The following NSFL1C variants were observed in gnomAD, a reference collection of about 807,000 sequenced individuals.
NSFL1C encodes NSFL1 cofactor, also known as NSFL1 cofactor p47.
In NSFL1C, 14 loss-of-function variants were observed where a neutral mutation model predicts 43.1. The ratio of observed to expected loss-of-function variants is 0.32; its 90% CI spans 0.21 to 0.51. NSFL1C has a LOEUF of 0.51. NSFL1C is among the 20% of genes least tolerant of loss of function. The probability of loss-of-function intolerance (pLI) is 0.98; values close to 1 mark genes in which losing one functional copy is unlikely to be tolerated. For missense variants in NSFL1C, 406 were observed against 472.5 expected (o/e 0.86, Z 1.30); for synonymous variants, 171 against 183.5 (o/e 0.93, Z 0.55).
intron 1 of NSFL1C, 87 bp downstream of exon 1, chr20:1,466,633 C>T: frequency 2.3e-6 from 3 of 1,286,458 alleles, no homozygotes; most frequent in South Asian, 1.3e-5. Context: ...GATGACTGTG[C>T]GCTTCGGCCG....
At chr20:1,457,219 A>G (rs933644536) in intron 3 of NSFL1C, 1 of 152,230 alleles carries the variant, frequency 6.6e-6, no homozygotes, top group African/African-American at 2.4e-5. Context: ...AAAAAGCTGG[A>G]AAGAAATATA....
intron 3 of NSFL1C, chr20:1,456,228 A>T (rs1484617557): frequency 6.4e-6 from 1 of 155,350 alleles, no homozygotes; most frequent in Non-Finnish European, 1.4e-5. Flanking sequence ...TCAAGGAAGT[A>T]AGCGGAATGT....
At position 1,452,513 on chromosome 20, in the gene NSFL1C, G is replaced by A. The variant is rs1013083019; in HGVS notation, c.765C>T (p.Gly255=). 1.1e-5 allele frequency: 17 copies of A among 1,614,012 alleles called. No individual in the cohort carries two copies. Among genetic ancestry groups the A allele is most frequent in the African/African-American group, 2.7e-5 (2 of 74,920 alleles). ...CTTACCTGCCCAGTTTCTGACCCTCGCCAGTGAAGGCTTTGAAGGCTCCTT... is the reference window on the plus strand; with the variant it reads ...CTTACCTGCCCAGTTTCTGACCCTCACCAGTGAAGGCTTTGAAGGCTCCTT... ...KPKGAFKAFT[G]EGQKLGSTAP... is the part of the protein sequence containing the mutation. Residue 255 remains glycine, a synonymous_variant, in exon 7 of 9, where the codon GGC becomes GGT. Transcript: ENST00000216879.
At chr20:1,464,950 C>T (rs574727939) in intron 1 of NSFL1C, among the ~76,000 whole-genome samples, 1 of 152,276 alleles carries the variant, frequency 6.6e-6, no homozygotes, top group Non-Finnish European at 1.5e-5. Flanking sequence ...CAGTACAGCC[C>T]GGAGTCAGGA....
intron 2 of NSFL1C, among the ~76,000 whole-genome samples, chr20:1,459,395 C>T (rs1215162110): frequency 6.6e-6 from 1 of 152,170 alleles, no homozygotes; most frequent in African/African-American, 2.4e-5. Flanking sequence ...TGTAAGTTTC[C>T]TAAGGCCTTC....
chr20:1,466,727 T>C lies in NSFL1C; in HGVS notation c.98A>G (p.Asp33Gly). The change falls in exon 1 of 9, where the codon GAC becomes GGC. Residue 33 changes from aspartate (D) to glycine (G), a missense_variant. This residue lies in a region of NSFL1C where 203 missense variants were observed against 216.3 expected (regional missense o/e 0.94). Transcript: ENST00000216879. ...CCCGCCGCGCGGCGCTACCTGCAAG[T>C]CCCAGCCGGCCGACTCGAGAAAGAA... ...ARFFLESAGW[D>G]LQIALASFYE... 1 of 1,551,466 alleles carries C rather than the reference T, an allele frequency of 6.4e-7. No homozygotes were observed. The highest frequency in any genetic ancestry group is 8.7e-7 in the Non-Finnish European group (1 of 1,152,232).
At chr20:1,454,710 G>T (rs1171829391) in intron 4 of NSFL1C, among the ~76,000 whole-genome samples, 2 of 152,144 alleles carry the variant, frequency 1.3e-5, no homozygotes, top group Non-Finnish European at 2.9e-5. Context: ...AAAACACTAA[G>T]TCAGTCAAAT....
chr20:1,464,565 G>C, intron 1 of NSFL1C, 139 bp from the exon 2 acceptor site: 1 of 636,582 alleles, frequency 1.6e-6, no homozygotes. Context: ...AATTAGACCA[G>C]AAGGTTAACA....
intron 2 of NSFL1C, 40 bp from the exon 3 acceptor site, chr20:1,458,314 T>C: frequency 1.3e-6 from 2 of 1,553,282 alleles, no homozygotes; most frequent in Middle Eastern, 1.7e-4. Context: ...TCAGGGAGCA[T>C]TAAGAAAGGT....
chr20:1,450,616 T>A (rs2122854170), intron 7 of NSFL1C, among the ~76,000 whole-genome samples: 1 of 152,352 alleles, frequency 6.6e-6, no homozygotes, highest in Admixed American at 6.5e-5. Context: ...AAGTGCATGG[T>A]GTTCTGAAGT....
intron 7 of NSFL1C, among the ~76,000 whole-genome samples, chr20:1,450,492 C>T (rs973283361): frequency 3.9e-5 from 6 of 152,218 alleles, no homozygotes; most frequent in African/African-American, 1.4e-4. Flanking sequence ...TCCTATCATG[C>T]TAAAATAGAC....
At chr20:1,452,401 G>C in intron 7 of NSFL1C, 92 bp downstream of exon 7, 1 of 1,482,978 alleles carries the variant, frequency 6.7e-7, no homozygotes, top group Non-Finnish European at 9.2e-7. Context: ...AAACAGTAAA[G>C]AGCTAATAAC....
At position 1,464,332 on chromosome 20, in the gene NSFL1C, G is replaced by A. The variant is rs1222872165; in HGVS notation, c.200C>T (p.Pro67Leu). The A allele has an allele frequency of 6.2e-7, 1 of 1,613,782 alleles. No homozygotes were observed. The highest frequency in any genetic ancestry group is 1.3e-5 in the African/African-American group (1 of 74,916). Residue 67 changes from proline (P) to leucine (L), a missense_variant, in exon 2 of 9, where the codon CCC becomes CTC. By Grantham distance (98) the Pro-to-Leu change is moderately conservative (BLOSUM62 -3). Coordinates refer to ENST00000216879, the MANE Select transcript of NSFL1C (RefSeq NM_016143.5). The stretch of plus-strand genomic sequence containing the variant: ...GATAATTGAAGCTGGCCCTTACCTG[G>A]GGGCTGTGCCTCTGGACACTGAACT... ...TPSSVSRGTA[P>L]SDNRVTSFRD...
At chr20:1,462,605 T>C (rs921519627) in intron 2 of NSFL1C, among the ~76,000 whole-genome samples, 1 of 151,574 alleles carries the variant, frequency 6.6e-6, no homozygotes, top group East Asian at 1.9e-4. Flanking sequence ...CACTGCAAGC[T>C]CCGCCCCCCG....
At position 1,453,012 on chromosome 20, in the gene NSFL1C, G is replaced by A; in HGVS notation, c.647+19C>T. 7.2e-7 allele frequency: 1 copy of A among 1,385,144 alleles called. No homozygotes were observed. The highest frequency in any genetic ancestry group is 1.0e-6 in the Non-Finnish European group (1 of 970,800). The allele number at this position is 1,385,144 out of a possible 1,614,324, so 85.8% of individuals were successfully genotyped here. On this transcript the variant is annotated intron_variant, in intron 6 of 8. Coordinates refer to ENST00000216879, the MANE Select transcript of NSFL1C (RefSeq NM_016143.5). ...TCCACTCACTGATTTGGGACCTACA[G>A]GAGGGCTTTTTCACTCACCCTCTGC...
chr20:1,455,332 T>C (rs1018964184), intron 3 of NSFL1C, among the ~76,000 whole-genome samples, 200 bp from the exon 4 acceptor site: 5 of 152,150 alleles, frequency 3.3e-5, no homozygotes, highest in African/African-American at 9.7e-5. Flanking sequence ...GAGGGAACAC[T>C]GGGTGGGAAG....
At chr20:1,459,671 T>C (rs562733666) in intron 2 of NSFL1C, among the ~76,000 whole-genome samples, 2 of 152,286 alleles carry the variant, frequency 1.3e-5, no homozygotes, top group East Asian at 3.9e-4. Flanking sequence ...CCAATCAATG[T>C]AGCAAACAAG....
intron 7 of NSFL1C, among the ~76,000 whole-genome samples, chr20:1,447,731 G>A (rs2090091903): frequency 6.6e-6 from 1 of 151,012 alleles, no homozygotes; most frequent in Non-Finnish European, 1.5e-5. Context: ...AGATGAGAAA[G>A]AAGCTGTTAA....
Position 1,442,889 on chromosome 20 carries a change from T to C in NSFL1C, c.*860A>G, listed in dbSNP as rs892093111. 1.3e-5 allele frequency: 2 copies of C among 152,158 alleles called. No homozygotes were observed. Among genetic ancestry groups the C allele is most frequent in the Non-Finnish European group, 2.9e-5 (2 of 68,016 alleles). The allele number at this position is 152,158 out of a possible 1,614,324, so 9.4% of individuals were successfully genotyped here. ...GGTGGCATTTTGACTGTTTATCTTA[T>C]AGGGCAAGATACCCTGATTCTGAAC... On this transcript the variant is annotated 3_prime_UTR_variant, in exon 9 of 9. Transcript: ENST00000216879.
Sources: allele counts gnomAD v4.1 joint callset (sites outside exome capture counted in the v4.1 genomes callset), GRCh38; gene constraint gnomAD v4.1.1; regional missense constraint gnomAD v4.1.1; transcripts MANE v1.5; gene names NCBI Gene and HGNC (gene_info 2026-07-23, HGNC 2026-07-21).